Variants in COL19A1 observed in about 807,000 individuals in gnomAD.
COL19A1 encodes collagen type XIX alpha 1 chain.
A neutral mutation model predicts 190.2 loss-of-function variants in COL19A1; 159 were observed. The observed-to-expected ratio is 0.84, with a 90% CI of 0.73 to 0.95. The LOEUF (loss-of-function observed/expected upper bound fraction) is 0.95, where lower values mean the gene tolerates loss of function less well. Among genes scored for constraint, COL19A1 ranks in the 40% least tolerant of loss-of-function variants. COL19A1 has a pLI of 0.00. For synonymous variants in COL19A1, 509 were observed against 458.9 expected (o/e 1.11, Z -1.39); for missense variants, 1,418 against 1,431.9 (o/e 0.99, Z 0.16).
At chr6:69,934,801 C>T (rs1772996214) in intron 7 of COL19A1, among the ~76,000 whole-genome samples, 1 of 151,914 alleles carries the variant, frequency 6.6e-6, no homozygotes, top group African/African-American at 2.4e-5. Flanking sequence ...TAGAAACATA[C>T]TACATTTTAT....
intron 15 of COL19A1, among the ~76,000 whole-genome samples, chr6:70,100,372 GA>G (rs1783549491): frequency 6.6e-6 from 1 of 152,064 alleles, no homozygotes; most frequent in Admixed American, 6.6e-5. Context: ...TGCAAGACTA[GA>G]ACATGGTGTA....
intron 9 of COL19A1, among the ~76,000 whole-genome samples, chr6:69,955,544 T>C (rs1366160458): frequency 1.3e-5 from 2 of 151,264 alleles, no homozygotes; most frequent in Non-Finnish European, 3.0e-5. Flanking sequence ...TGTGTGTGTG[T>C]GTGTGTGTGT....
intron 11 of COL19A1, among the ~76,000 whole-genome samples, chr6:70,023,300 A>AT (rs965250653): frequency 9.2e-5 from 14 of 151,458 alleles, no homozygotes; most frequent in Non-Finnish European, 1.6e-4. Context: ...TGCCTGGCTA[A>AT]TTTTTTTTGT....
At chr6:70,050,091 C>T (rs1045283565) in intron 14 of COL19A1, among the ~76,000 whole-genome samples, 3 of 152,010 alleles carry the variant, frequency 2.0e-5, no homozygotes, top group African/African-American at 7.2e-5. Flanking sequence ...TGTTTCTTGA[C>T]CTTTCTGTGT....
chr6:69,936,094 A>G (rs972050065), intron 7 of COL19A1, among the ~76,000 whole-genome samples: 2 of 152,124 alleles, frequency 1.3e-5, no homozygotes, highest in African/African-American at 2.4e-5. Context: ...TGTTGAGAAA[A>G]AACAATGTGT....
intron 11 of COL19A1, among the ~76,000 whole-genome samples, chr6:70,004,954 T>G (rs1458922718): frequency 6.6e-6 from 1 of 151,830 alleles, no homozygotes; most frequent in African/African-American, 2.4e-5. Flanking sequence ...TGCCTCAGCC[T>G]CCTGAGTAGC....
At chr6:70,169,503 A>G (rs1765376824) in intron 40 of COL19A1, among the ~76,000 whole-genome samples, 1 of 152,204 alleles carries the variant, frequency 6.6e-6, no homozygotes, top group African/African-American at 2.4e-5. Context: ...TCAATGAATA[A>G]ATTTTAAACC....
intron 4 of COL19A1, among the ~76,000 whole-genome samples, chr6:69,907,376 C>T (rs1342233575): frequency 1.3e-5 from 2 of 151,960 alleles, no homozygotes; most frequent in African/African-American, 4.8e-5. Context: ...GTGATCCACC[C>T]GCCTCGGCCC....
intron 11 of COL19A1, among the ~76,000 whole-genome samples, chr6:69,983,060 A>G (rs1447227216): frequency 5.9e-5 from 9 of 151,912 alleles, no homozygotes; most frequent in South Asian, 2.1e-4. Context: ...ACACTTACAT[A>G]CACACAACTT....
At chr6:70,138,416 C>CA (rs1786009605) in intron 19 of COL19A1, among the ~76,000 whole-genome samples, 1 of 152,008 alleles carries the variant, frequency 6.6e-6, no homozygotes, top group East Asian at 1.9e-4. Context: ...ATCATAGGTA[C>CA]AAAAAATGAC....
rs1213698250 is a variant in COL19A1 at position 70,208,126 on chromosome 6, AAG to A, written c.*853_*854del. On this transcript the variant is annotated 3_prime_UTR_variant, in exon 51 of 51. Transcript: ENST00000620364. ...TTTCCCTACAAGGTGCTTGGTGGTG[AAG>A]CCACCAAGCTGTCTTTGGTACTCTT... 1 of 152,184 alleles carries A rather than the reference AAG, an allele frequency of 6.6e-6. No homozygotes were observed. The highest frequency in any genetic ancestry group is 2.4e-5 in the African/African-American group (1 of 41,440). 9.4% of individuals were successfully genotyped at this position (152,184 alleles called of 1,614,324 possible). A position where few individuals can be genotyped will look rare whatever the true frequency, so the allele number is the denominator to read the frequency against.
Position 69,936,794 on chromosome 6 carries a change from C to A in COL19A1, c.757C>A (p.Gln253Lys), listed in dbSNP as rs897650192. 6.2e-7 allele frequency: 1 copy of A among 1,612,824 alleles called. No homozygotes were observed. Among genetic ancestry groups the A allele is most frequent in the Non-Finnish European group, 8.5e-7 (1 of 1,179,124 alleles). Residue 253 changes from glutamine (Q) to lysine (K), a missense_variant, in exon 8 of 51, where the codon CAG (glutamine) becomes AAG (lysine). Coordinates refer to ENST00000620364, the MANE Select transcript of COL19A1 (RefSeq NM_001858.6). ...CEISDTKCPEQDGFGNIASSW... is the reference protein window; with the variant it reads ...CEISDTKCPEKDGFGNIASSW... ...TCTTTTTGGATTTTAGTGCCCAGAGCAGGATGGCTTTGGAAATATTGCATC... is the reference window on the plus strand; with the variant it reads ...TCTTTTTGGATTTTAGTGCCCAGAGAAGGATGGCTTTGGAAATATTGCATC...
At chr6:69,986,469 G>A (rs914227270) in intron 11 of COL19A1, among the ~76,000 whole-genome samples, 6 of 151,954 alleles carry the variant, frequency 3.9e-5, no homozygotes, top group Admixed American at 3.9e-4. Context: ...GCCTGTTTCT[G>A]AGCCTCATTC....
At chr6:70,159,239 A>T (rs1027111966) in intron 34 of COL19A1, among the ~76,000 whole-genome samples, 37 of 152,070 alleles carry the variant, frequency 2.4e-4, no homozygotes, top group African/African-American at 8.4e-4. Flanking sequence ...GAGGTAAAGA[A>T]ATTTATGGTA....
intron 22 of COL19A1, 27 bp from the exon 23 acceptor site, chr6:70,142,739 CT>C: frequency 6.3e-7 from 1 of 1,588,108 alleles, no homozygotes; most frequent in South Asian, 1.2e-5. Flanking sequence ...TTTAGCAAAG[CT>C]AAAGTATATA....
At chr6:69,944,820 G>T (rs1357204624) in intron 9 of COL19A1, among the ~76,000 whole-genome samples, 3 of 151,818 alleles carry the variant, frequency 2.0e-5, no homozygotes, top group Non-Finnish European at 4.4e-5. Context: ...GTTGTGATCA[G>T]CATTCTATAT....
intron 31 of COL19A1, among the ~76,000 whole-genome samples, chr6:70,154,618 G>A (rs1161746486): frequency 6.6e-6 from 1 of 152,166 alleles, no homozygotes. Flanking sequence ...TGATTACAAG[G>A]TAAAGTCTGA....
chr6:69,916,216 G>A (rs1190293806), intron 4 of COL19A1, among the ~76,000 whole-genome samples: 5 of 152,116 alleles, frequency 3.3e-5, no homozygotes, highest in African/African-American at 4.8e-5. Flanking sequence ...GATTACAGGC[G>A]GGAGCCACCG....
intron 2 of COL19A1, among the ~76,000 whole-genome samples, chr6:69,894,559 G>A (rs910117787): frequency 1.3e-5 from 2 of 152,006 alleles, no homozygotes; most frequent in African/African-American, 2.4e-5. Context: ...TCTTTCTTTA[G>A]GCCAAATTAA....
Sources: gnomAD v4.1 joint callset for allele counts (sites outside exome capture counted in the v4.1 genomes callset) on GRCh38, gnomAD v4.1.1 for gene constraint, MANE v1.5 for transcripts, NCBI Gene and HGNC (gene_info 2026-07-23, HGNC 2026-07-21) for gene names.